CFAP69: variants seen among roughly 807,000 people sequenced by gnomAD.
CFAP69 encodes the protein cilia- and flagella-associated protein 69.
In CFAP69, 92 loss-of-function variants were observed where a neutral mutation model predicts 123.0. The observed-to-expected ratio is 0.75, with a 90% CI of 0.63 to 0.89. The LOEUF is 0.89. CFAP69 is among the 40% of genes least tolerant of loss of function. CFAP69 has a pLI of 0.00. For missense variants in CFAP69, 1,067 were observed against 1,096.9 expected (o/e 0.97, Z 0.39); for synonymous variants, 380 against 364.3 (o/e 1.04, Z -0.49).
chr7:90,252,769 T>C (rs1307282039), intron 1 of CFAP69, among the ~76,000 whole-genome samples: 2 of 152,350 alleles, frequency 1.3e-5, no homozygotes, highest in Middle Eastern at 3.4e-3. Context: ...CAAATTGTTT[T>C]TGATGCCATG....
intron 19 of CFAP69, among the ~76,000 whole-genome samples, chr7:90,305,943 C>CTTT (rs11340254): frequency 3.1e-4 from 40 of 129,590 alleles, no homozygotes; most frequent in African/African-American, 9.4e-4. Flanking sequence ...TTCTTTCCTT[C>CTTT]TTTTTTTTTT....
the CFAP69 span, chr7:90,318,681 A>G: frequency 1.3e-5 from 2 of 152,098 alleles, no homozygotes; most frequent in African/African-American, 4.8e-5. Context: ...TTAAAAAGAC[A>G]CCTTCTAAGT....
At chr7:90,272,676 C>A (rs1487773479) in intron 8 of CFAP69, among the ~76,000 whole-genome samples, 1 of 152,064 alleles carries the variant, frequency 6.6e-6, no homozygotes, top group Non-Finnish European at 1.5e-5. Context: ...CAGGGATCAG[C>A]AGATACTAGG....
downstream of CFAP69, chr7:90,312,349 G>A (rs1411146124): frequency 6.6e-6 from 1 of 152,210 alleles, no homozygotes; most frequent in Non-Finnish European, 1.5e-5. Flanking sequence ...TAACCAAGGT[G>A]TGGAAATAGT....
At chr7:90,263,717 G>A (rs1274031623) in intron 4 of CFAP69, among the ~76,000 whole-genome samples, 1 of 151,896 alleles carries the variant, frequency 6.6e-6, no homozygotes, top group African/African-American at 2.4e-5. Flanking sequence ...AATTCAAATT[G>A]GCCTGTATAT....
intron 6 of CFAP69, chr7:90,270,359 C>T (rs1476923956): frequency 6.6e-6 from 1 of 152,012 alleles, no homozygotes; most frequent in East Asian, 1.9e-4. Flanking sequence ...TGGGGAAAAG[C>T]TTACAATAAA....
chr7:90,247,440 A>C (rs1392807530), intron 1 of CFAP69, among the ~76,000 whole-genome samples: 1 of 152,208 alleles, frequency 6.6e-6, no homozygotes, highest in Non-Finnish European at 1.5e-5. Context: ...CAACTACTTC[A>C]GTTCATTGTC....
At chr7:90,267,263 CCTT>C (rs1799273526) in intron 5 of CFAP69, among the ~76,000 whole-genome samples, 1 of 152,186 alleles carries the variant, frequency 6.6e-6, no homozygotes, top group Non-Finnish European at 1.5e-5. Flanking sequence ...TGTGCTTCCT[CCTT>C]CTTTCCACTT....
At chr7:90,275,963 C>T (rs1788549120) in intron 9 of CFAP69, 1 of 152,190 alleles carries the variant, frequency 6.6e-6, no homozygotes, top group Non-Finnish European at 1.5e-5. Context: ...AAAATTCTGA[C>T]ATCCTTCCAG....
chr7:90,266,727 T>C (rs1015785506), intron 5 of CFAP69, among the ~76,000 whole-genome samples: 1 of 152,166 alleles, frequency 6.6e-6, no homozygotes, highest in Non-Finnish European at 1.5e-5. Flanking sequence ...CGAGTACTGC[T>C]CTTCTGTTTC....
At chr7:90,323,660 A>G in the CFAP69 span, among the ~76,000 whole-genome samples, 1 of 152,198 alleles carries the variant, frequency 6.6e-6, no homozygotes, top group African/African-American at 2.4e-5. Flanking sequence ...AAGTAAATTT[A>G]TAAGATTCAA....
In CFAP69 at chr7:90,287,797, T is replaced by G. The variant is rs530480837; in HGVS notation, c.1657-437T>G. On this transcript the variant is annotated intron_variant, in intron 14 of 22. Transcript: ENST00000389297. Reference sequence around the variant, plus strand: ...TAAGTGGTTAAAACTTCACAAAAATTATTAAATGTTTTAACTACATTTATA... The same window carrying G: ...TAAGTGGTTAAAACTTCACAAAAATGATTAAATGTTTTAACTACATTTATA... 8.9e-5 allele frequency: 84 copies of G among 944,130 alleles called. No individual in the cohort carries two copies. In the South Asian group the frequency reaches 2.3e-3, roughly 26 times the overall value. 58.5% of individuals were successfully genotyped at this position (944,130 alleles called of 1,614,324 possible).
chr7:90,276,385 G>T (rs929330267), intron 9 of CFAP69, among the ~76,000 whole-genome samples: 2 of 152,106 alleles, frequency 1.3e-5, no homozygotes, highest in African/African-American at 4.8e-5. Context: ...TGAATTTCAC[G>T]AATGTGAGTC....
At chr7:90,318,988 G>GA in the CFAP69 span, 1 of 160,940 alleles carries the variant, frequency 6.2e-6, no homozygotes, top group Non-Finnish European at 1.3e-5. Context: ...CAACCCTATT[G>GA]AAAAAATTAA....
chr7:90,299,916 T>A lies in CFAP69; in HGVS notation c.1907T>A (p.Phe636Tyr). The change falls in exon 17 of 23, where the codon TTT (phenylalanine) becomes TAT (tyrosine). Residue 636 changes from phenylalanine (F) to tyrosine (Y), a missense_variant. Phe to Tyr is a conservative substitution (Grantham distance 22). Transcript: ENST00000389297. ...CNLILGIMVE[F>Y]CDNPKTAAHV... is the part of the protein sequence containing the mutation. ...CTAATACTTGGAATAATGGTTGAATTTTGTGATAATCCCAAAACTGCAGCT... is the reference window on the plus strand; with the variant it reads ...CTAATACTTGGAATAATGGTTGAATATTGTGATAATCCCAAAACTGCAGCT... The A allele has an allele frequency of 6.2e-7, 1 of 1,611,164 alleles. No homozygotes were observed. Among genetic ancestry groups the A allele is most frequent in the Non-Finnish European group, 8.5e-7 (1 of 1,178,606 alleles).
At chr7:90,290,527 G>A (rs1051111198) in intron 15 of CFAP69, among the ~76,000 whole-genome samples, 2 of 152,148 alleles carry the variant, frequency 1.3e-5, no homozygotes, top group African/African-American at 2.4e-5. Context: ...TGATTAAAAT[G>A]TTAATTACAT....
At chr7:90,247,211 GT>G (rs1796436543) in intron 1 of CFAP69, among the ~76,000 whole-genome samples, 1 of 152,186 alleles carries the variant, frequency 6.6e-6, no homozygotes, top group Non-Finnish European at 1.5e-5. Flanking sequence ...TTCATGAGAA[GT>G]TAACTGAGTT....
intron 17 of CFAP69, chr7:90,303,225 T>C (rs2117383028): frequency 6.6e-6 from 1 of 152,252 alleles, no homozygotes; most frequent in Middle Eastern, 3.4e-3. Flanking sequence ...GGGCCGAGAC[T>C]ATGGAGTTTT....
chr7:90,267,595 G>A (rs1320873934), intron 5 of CFAP69, among the ~76,000 whole-genome samples: 3 of 152,008 alleles, frequency 2.0e-5, no homozygotes, highest in Non-Finnish European at 4.4e-5. Context: ...CTTCCTATTC[G>A]CCAACCCCAT....
Sources: allele counts gnomAD v4.1 joint callset (sites outside exome capture counted in the v4.1 genomes callset), GRCh38; gene constraint gnomAD v4.1.1; transcripts MANE v1.5; gene names NCBI Gene and HGNC (gene_info 2026-07-23, HGNC 2026-07-21).